TESC: variants seen among roughly 807,000 people sequenced by gnomAD.
TESC encodes the protein calcineurin B homologous protein 3.
A neutral mutation model predicts 31.0 loss-of-function variants in TESC; 19 were observed. That is an observed-to-expected ratio of 0.61 (90% CI 0.43 to 0.90). The LOEUF (loss-of-function observed/expected upper bound fraction) is 0.90. Ranked by LOEUF, TESC falls within the 40% of genes least tolerant of loss-of-function variation. TESC has a pLI of 0.00. For missense variants in TESC, 248 were observed against 303.8 expected, an observed-to-expected ratio of 0.82 and a Z score of 1.36; for synonymous variants, 109 against 114.8, an observed-to-expected ratio of 0.95 and a Z score of 0.32.
At chr12:117,046,406 A>T (rs566525112) in intron 6 of TESC, 153 bp downstream of exon 6, 1 of 698,860 alleles carries the variant, frequency 1.4e-6, no homozygotes, top group Admixed American at 3.0e-5. Flanking sequence ...CCTGGGGGAC[A>T]GGAAGGGCTG....
intron 2 of TESC, among the ~76,000 whole-genome samples, chr12:117,070,981 A>C (rs1391310444): frequency 6.6e-6 from 1 of 152,132 alleles, no homozygotes; most frequent in Non-Finnish European, 1.5e-5. Context: ...AAAATAAAAA[A>C]AAAGATTAAA....
chr12:117,046,724 G>C, intron 5 of TESC, 53 bp downstream of exon 5: 1 of 1,553,370 alleles, frequency 6.4e-7, no homozygotes, highest in Non-Finnish European at 8.7e-7. Context: ...GTCGTGGGGG[G>C]CAGAGGGGGA....
At chr12:117,072,172 CAGATT>C (rs2135781476) in intron 2 of TESC, among the ~76,000 whole-genome samples, 1 of 152,286 alleles carries the variant, frequency 6.6e-6, no homozygotes, top group South Asian at 2.1e-4. Flanking sequence ...CCACCACACT[CAGATT>C]AGACCCTCAG....
At chr12:117,067,158 CT>C (rs1286552936) in intron 2 of TESC, among the ~76,000 whole-genome samples, 1 of 152,130 alleles carries the variant, frequency 6.6e-6, no homozygotes, top group Non-Finnish European at 1.5e-5. Flanking sequence ...CTAGCTGAGG[CT>C]TTTAAAGGGA....
intron 1 of TESC, among the ~76,000 whole-genome samples, chr12:117,093,942 TG>T (rs1282536419): frequency 6.6e-6 from 1 of 151,706 alleles, no homozygotes; most frequent in Non-Finnish European, 1.5e-5. Context: ...CAGACACGGA[TG>T]GGGGGGACAG....
intron 1 of TESC, among the ~76,000 whole-genome samples, chr12:117,088,389 G>A (rs1327016537): frequency 1.3e-5 from 2 of 152,080 alleles, no homozygotes; most frequent in Admixed American, 1.3e-4. Flanking sequence ...CTTATCTAAA[G>A]TACAAGGTTG....
chr12:117,064,897 C>T (rs1042862509), intron 2 of TESC, among the ~76,000 whole-genome samples: 3 of 152,228 alleles, frequency 2.0e-5, no homozygotes, highest in Non-Finnish European at 4.4e-5. Context: ...GGACAACCCC[C>T]AGTGAAGAAT....
chr12:117,045,243 G>A (rs758749248), intron 6 of TESC, among the ~76,000 whole-genome samples: 1 of 152,224 alleles, frequency 6.6e-6, no homozygotes, highest in East Asian at 1.9e-4. Context: ...ATGGGGGCCC[G>A]TAGGCAGCGG....
At chr12:117,093,039 T>C (rs1271389442) in intron 1 of TESC, among the ~76,000 whole-genome samples, 4 of 152,180 alleles carry the variant, frequency 2.6e-5, no homozygotes, top group Admixed American at 2.6e-4. Context: ...GGGGACTGGC[T>C]GGTTGGCTGT....
intron 1 of TESC, among the ~76,000 whole-genome samples, chr12:117,075,911 A>C (rs868837236): frequency 1.7e-5 from 1 of 59,082 alleles, no homozygotes; most frequent in Non-Finnish European, 2.8e-5. Flanking sequence ...ATATATATAT[A>C]TATGTGTGTG....
At chr12:117,066,199 G>GCTTTTTT (rs1954876442) in intron 2 of TESC, among the ~76,000 whole-genome samples, 1 of 72,612 alleles carries the variant, frequency 1.4e-5, no homozygotes, top group Non-Finnish European at 2.4e-5. Context: ...CCTTCCTTTA[G>GCTTTTTT]CTTTTTTTTT....
chr12:117,038,923 T>C lies in TESC; in HGVS notation c.*210A>G. The C allele has an allele frequency of 1.8e-6, 1 of 546,618 alleles. No homozygotes were observed. Among genetic ancestry groups the C allele is most frequent in the Non-Finnish European group, 3.2e-6 (1 of 309,148 alleles). The allele number at this position is 546,618 out of a possible 1,614,324, so 33.9% of individuals were successfully genotyped here. A position where few individuals can be genotyped will look rare whatever the true frequency, so the allele number is the denominator to read the frequency against. ...ACGTGAGGAACTGACAGAGGCCACATTAATTAACAAACCTTTTTTTTTTTT... is the reference window on the plus strand; with the variant it reads ...ACGTGAGGAACTGACAGAGGCCACACTAATTAACAAACCTTTTTTTTTTTT... On this transcript the variant is annotated 3_prime_UTR_variant, in exon 8 of 8. Coordinates refer to ENST00000335209, the MANE Select transcript of TESC (RefSeq NM_017899.4).
chr12:117,052,541 T>C (rs79780727), intron 3 of TESC, among the ~76,000 whole-genome samples: 5,669 of 152,114 alleles, frequency 0.037, 219 homozygotes, highest in South Asian at 0.15. Flanking sequence ...ACTGGCACCT[T>C]CCTTTCTCCA....
intron 1 of TESC, among the ~76,000 whole-genome samples, chr12:117,089,132 G>A (rs941277169): frequency 3.3e-5 from 5 of 152,196 alleles, no homozygotes; most frequent in African/African-American, 1.2e-4. Flanking sequence ...GAGACGGCAG[G>A]GGAAAGAGCA....
intron 1 of TESC, among the ~76,000 whole-genome samples, chr12:117,075,913 A>ATATATATATATATATATATG: frequency 3.8e-5 from 2 of 51,952 alleles, no homozygotes; most frequent in South Asian, 6.3e-4. Flanking sequence ...ATATATATAT[A>ATATATATATATATATATATG]TGTGTGTGTG....
At position 117,056,828 on chromosome 12, in the gene TESC, C is replaced by T; in HGVS notation, c.187G>A (p.Val63Ile). Residue 63 changes from valine to isoleucine, a missense_variant, in exon 3 of 8, where the codon GTT (valine) becomes ATT (isoleucine). Physicochemically the swap from Val to Ile is conservative, Grantham distance 29. Coordinates refer to ENST00000335209, the MANE Select transcript of TESC (RefSeq NM_017899.4). ...LELNPIRSKI[V>I]RAFFDNRNLR... ...CACCTGTTGTCGAAGAAGGCACGAA[C>T]AATTTTGGATCGGATGGGGTTGAGC... 6.2e-7 allele frequency: 1 copy of T among 1,614,114 alleles called. No homozygotes were observed. The highest frequency in any genetic ancestry group is 8.5e-7 in the Non-Finnish European group (1 of 1,180,012).
intron 1 of TESC, among the ~76,000 whole-genome samples, chr12:117,080,305 TAA>T (rs34241484): frequency 7.9e-5 from 12 of 151,968 alleles, no homozygotes; most frequent in Admixed American, 2.6e-4. Context: ...CCATCTCTAC[TAA>T]AAATGCAAAA....
intron 1 of TESC, among the ~76,000 whole-genome samples, chr12:117,096,412 C>A (rs886916448): frequency 1.2e-4 from 18 of 152,284 alleles, no homozygotes; most frequent in African/African-American, 3.6e-4. Flanking sequence ...TCGTCTCGCA[C>A]GTAACCTTAT....
At position 117,041,962 on chromosome 12, in the gene TESC, G is replaced by A. The variant is rs199913731; in HGVS notation, c.552C>T (p.Phe184=). Residue 184 remains phenylalanine (F), a synonymous_variant, in exon 7 of 8, where the codon TTC becomes TTT. Coordinates refer to ENST00000335209, the MANE Select transcript of TESC (RefSeq NM_017899.4). ...GGCCACCCACCTTCAGGAAGTCCTC[G>A]AAGGTGATCCCCTCGTACACCTGAT... ...EPDQVYEGIT[F]EDFLKIWQGI... is the part of the protein sequence containing the mutation. The A allele has an allele frequency of 1.9e-5, 30 of 1,592,920 alleles. No homozygotes were observed. The South Asian group carries it at 2.3e-4, about 12-fold the overall frequency.
Sources: allele counts gnomAD v4.1 joint callset (sites outside exome capture counted in the v4.1 genomes callset), GRCh38; gene constraint gnomAD v4.1.1; transcripts MANE v1.5; gene names NCBI Gene and HGNC (gene_info 2026-07-23, HGNC 2026-07-21).